Variants in SYNE1 observed in about 807,000 individuals in gnomAD.
The protein encoded by SYNE1 is spectrin repeat containing nuclear envelope protein 1, also known as nesprin-1.
A neutral mutation model predicts 1,111.0 loss-of-function variants in SYNE1; 616 were observed. The observed-to-expected ratio is 0.55, with a 90% CI of 0.52 to 0.59. The LOEUF (loss-of-function observed/expected upper bound fraction) is 0.59, where lower values mean the gene tolerates loss of function less well. Ranked by LOEUF, SYNE1 falls within the 20% of genes least tolerant of loss-of-function variation. The pLI is 0.00. For missense variants in SYNE1, 10,006 were observed against 10,417.0 expected, an observed-to-expected ratio of 0.96 and a Z score of 1.72; for synonymous variants, 3,855 against 3,825.8, an observed-to-expected ratio of 1.01 and a Z score of -0.28.
chr6:152,279,147 CTTTTTTTTT>C lies in SYNE1; in HGVS notation c.18382-876_18382-868del, dbSNP rs59520598. 1.9e-3 allele frequency among the ~76,000 whole-genome samples: 219 copies of C among 112,696 alleles called. 2 individuals are homozygous for C. The highest frequency in any genetic ancestry group is 0.017 in the Middle Eastern group (3 of 178). The allele number at this position is 112,696 out of a possible 152,430, so 73.9% of individuals were successfully genotyped here. On this transcript the variant is annotated intron_variant, in intron 97 of 145. Transcript: ENST00000367255. The stretch of plus-strand genomic sequence containing the variant: ...AGCCTCTCAATTTTTCTTTTCTTTT[CTTTTTTTTT>C]TTTTTTTTTTGAGACAAGGTCTCCT...
intron 124 of SYNE1, among the ~76,000 whole-genome samples, chr6:152,210,181 AT>A (rs1173612507): frequency 3.3e-5 from 5 of 151,288 alleles, no homozygotes; most frequent in African/African-American, 1.2e-4. Context: ...CTCTAATCTG[AT>A]TTTTTTTTCC....
chr6:152,428,508 C>T (rs2154198869), intron 36 of SYNE1, 116 bp from the exon 37 acceptor site: 1 of 948,758 alleles, frequency 1.1e-6, no homozygotes, highest in Non-Finnish European at 1.7e-6. Context: ...ACAGGAATAG[C>T]ACTAAGAATG....
At chr6:152,372,896 G>A in intron 59 of SYNE1, 141 bp downstream of exon 59, 1 of 881,980 alleles carries the variant, frequency 1.1e-6, no homozygotes, top group Non-Finnish European at 1.9e-6. Context: ...CTTACTGTTA[G>A]CCCATTGTCT....
intron 87 of SYNE1, chr6:152,311,197 C>T (rs2095535565): frequency 5.7e-6 from 2 of 352,630 alleles, no homozygotes; most frequent in East Asian, 1.2e-4. Flanking sequence ...GTGAAAAACC[C>T]AAACATACTA....
chr6:152,469,096 T>C (rs1228948204), intron 16 of SYNE1, among the ~76,000 whole-genome samples: 2 of 151,502 alleles, frequency 1.3e-5, no homozygotes, highest in Non-Finnish European at 2.9e-5. Flanking sequence ...TTTGGGGGAG[T>C]GTGGGGGGTG....
chr6:152,226,114 T>C (rs1265829965), intron 115 of SYNE1, among the ~76,000 whole-genome samples: 1 of 152,196 alleles, frequency 6.6e-6, no homozygotes, highest in African/African-American at 2.4e-5. Context: ...TTTGATATTC[T>C]ACCAGATAAG....
chr6:152,266,169 T>A (rs1452468647), intron 100 of SYNE1, among the ~76,000 whole-genome samples: 1 of 152,126 alleles, frequency 6.6e-6, no homozygotes, highest in African/African-American at 2.4e-5. Flanking sequence ...GCACTGCAAA[T>A]TTATTTTTAA....
At chr6:152,411,330 T>C (rs962850169) in intron 42 of SYNE1, among the ~76,000 whole-genome samples, 10 of 152,208 alleles carry the variant, frequency 6.6e-5, no homozygotes, top group African/African-American at 2.4e-4. Flanking sequence ...CCTTTTTCAT[T>C]TGTTATTTAT....
chr6:152,193,847 TA>T (rs564945651), intron 127 of SYNE1, among the ~76,000 whole-genome samples: 113 of 151,492 alleles, frequency 7.5e-4, no homozygotes, highest in African/African-American at 2.6e-3. Flanking sequence ...CTGTCTCTAC[TA>T]AAAAAATACA....
At chr6:152,234,074 T>G in intron 111 of SYNE1, 111 bp from the exon 112 acceptor site, 1 of 1,125,900 alleles carries the variant, frequency 8.9e-7, no homozygotes, top group Non-Finnish European at 1.3e-6. Context: ...TGGAGGGGGT[T>G]ATGCTGAACA....
intron 9 of SYNE1, among the ~76,000 whole-genome samples, chr6:152,504,835 G>C (rs1041131111): frequency 2.6e-5 from 4 of 152,166 alleles, no homozygotes; most frequent in Non-Finnish European, 5.9e-5. Context: ...ACATTTCTAA[G>C]TATGAATAAT....
Position 152,310,452 on chromosome 6 carries a change from G to T in SYNE1, c.16963C>A (p.Leu5655Met). The change falls in exon 89 of 146, where the codon CTG (leucine) becomes ATG (methionine). Residue 5655 changes from leucine (L) to methionine (M), a missense_variant. By Grantham distance (15) the Leu-to-Met change is conservative. Around this residue, in one of 7 missense-constraint regions of SYNE1, gnomAD observed 4,955 missense variants for 5,017.2 expected, o/e 0.99. Transcript: ENST00000367255. ...QAALEQAQAT[L>M]TSPEVGRLSL... ...AGACGTCCAACTTCTGGAGAAGTCA[G>T]TGTTGCCTGGGCTTGCTCCAAGGCA... The T allele has an allele frequency of 6.2e-7, 1 of 1,614,196 alleles. No individual in the cohort carries two copies. Among genetic ancestry groups the T allele is most frequent in the Admixed American group, 1.7e-5 (1 of 60,024 alleles).
intron 127 of SYNE1, among the ~76,000 whole-genome samples, chr6:152,191,505 G>A (rs1010149509): frequency 6.6e-6 from 1 of 151,996 alleles, no homozygotes; most frequent in Non-Finnish European, 1.5e-5. Flanking sequence ...AATCTTGGCA[G>A]GTTGTATGTC....
intron 3 of SYNE1, among the ~76,000 whole-genome samples, chr6:152,554,638 C>T (rs972940048): frequency 3.3e-5 from 5 of 152,146 alleles, no homozygotes; most frequent in African/African-American, 1.2e-4. Flanking sequence ...ACCCTCTGAG[C>T]CTGCCTATCT....
At chr6:152,488,186 A>G (rs2154300232) in intron 12 of SYNE1, among the ~76,000 whole-genome samples, 1 of 152,350 alleles carries the variant, frequency 6.6e-6, no homozygotes, top group East Asian at 1.9e-4. Flanking sequence ...TGCTCCATAT[A>G]TAGTGTGGAC....
intron 14 of SYNE1, among the ~76,000 whole-genome samples, chr6:152,475,083 C>T (rs1370266531): frequency 2.0e-5 from 3 of 152,164 alleles, no homozygotes; most frequent in African/African-American, 7.2e-5. Flanking sequence ...ACAGAACTAT[C>T]TTCTTTTTAC....
chr6:152,554,630 C>G (rs2099359030), intron 3 of SYNE1, among the ~76,000 whole-genome samples: 1 of 152,100 alleles, frequency 6.6e-6, no homozygotes, highest in Non-Finnish European at 1.5e-5. Context: ...ATATTTCTAC[C>G]CTCTGAGCCT....
chr6:152,136,508 C>T, intron 141 of SYNE1, 110 bp downstream of exon 141: 1 of 1,344,384 alleles, frequency 7.4e-7, no homozygotes, highest in Non-Finnish European at 1.0e-6. Flanking sequence ...GAAATACTGA[C>T]TTTGGGGAGC....
chr6:152,398,507 G>T, intron 49 of SYNE1, 112 bp downstream of exon 49: 1 of 857,254 alleles, frequency 1.2e-6, no homozygotes, highest in East Asian at 2.5e-5. Context: ...TTCTGTTAGG[G>T]ACGAGGAAAA....
Sources: allele counts gnomAD v4.1 joint callset (sites outside exome capture counted in the v4.1 genomes callset), GRCh38; gene constraint gnomAD v4.1.1; regional missense constraint gnomAD v4.1.1; transcripts MANE v1.5; gene names NCBI Gene and HGNC (gene_info 2026-07-23, HGNC 2026-07-21).